CHCHD6: variants seen among roughly 807,000 people sequenced by gnomAD.
CHCHD6 encodes the protein coiled-coil-helix-coiled-coil-helix domain containing 6.
In CHCHD6, 28 loss-of-function variants were observed where a neutral mutation model predicts 32.3. The observed-to-expected ratio is 0.87, with a 90% CI of 0.64 to 1.19. CHCHD6 has a LOEUF of 1.19. Ranked by LOEUF, CHCHD6 falls within the 50% of genes most tolerant of loss-of-function variation. The pLI is 0.00. For missense variants in CHCHD6, 333 were observed against 307.0 expected (o/e 1.08, Z -0.63); for synonymous variants, 122 against 117.5 (o/e 1.04, Z -0.25).
chr3:126,939,931 A>G (rs2078535932), intron 6 of CHCHD6, among the ~76,000 whole-genome samples: 1 of 152,172 alleles, frequency 6.6e-6, no homozygotes, highest in Non-Finnish European at 1.5e-5. Flanking sequence ...GTGTGCATAT[A>G]TATCATCACT....
At chr3:126,886,874 A>G (rs1437594790) in intron 5 of CHCHD6, among the ~76,000 whole-genome samples, 1 of 152,106 alleles carries the variant, frequency 6.6e-6, no homozygotes, top group Non-Finnish European at 1.5e-5. Flanking sequence ...CTCTAGCAAC[A>G]CAGTGTGACC....
At position 126,957,492 on chromosome 3, in the gene CHCHD6, G is replaced by A. The variant is rs1403270738; in HGVS notation, c.643G>A (p.Val215Met). ...CTGCTACCGAGATCGCCCGCATGAG[G>A]TGCTGCTGTGCTCGGACCTGGTCAA... is the stretch of plus-strand genomic sequence containing the variant. ...LHCYRDRPHE[V>M]LLCSDLVKAY... The change falls in exon 7 of 8, where the codon GTG (valine) becomes ATG (methionine). Residue 215 changes from valine to methionine, a missense_variant. Transcript: ENST00000290913. 6.2e-7 allele frequency: 1 copy of A among 1,601,342 alleles called. No individual in the cohort carries two copies. The highest frequency in any genetic ancestry group is 1.3e-5 in the African/African-American group (1 of 74,706).
At chr3:126,777,273 C>T (rs1194686952) in intron 4 of CHCHD6, among the ~76,000 whole-genome samples, 6 of 152,186 alleles carry the variant, frequency 3.9e-5, no homozygotes, top group Non-Finnish European at 5.9e-5. Flanking sequence ...CAAAACTACC[C>T]AGGCATACAT....
intron 4 of CHCHD6, among the ~76,000 whole-genome samples, chr3:126,752,618 C>G (rs1936772476): frequency 6.6e-6 from 1 of 152,154 alleles, no homozygotes; most frequent in Non-Finnish European, 1.5e-5. Flanking sequence ...TGTTGGGAGA[C>G]CTGGCTTTTT....
intron 6 of CHCHD6, among the ~76,000 whole-genome samples, chr3:126,931,493 G>T (rs2078405121): frequency 6.6e-6 from 1 of 152,158 alleles, no homozygotes; most frequent in Admixed American, 6.5e-5. Context: ...TGTTTACACG[G>T]TCTGTGCTCC....
At chr3:126,704,447 G>A (rs1049232246) in intron 1 of CHCHD6, 48 bp downstream of exon 1, 2 of 1,221,986 alleles carry the variant, frequency 1.6e-6, no homozygotes, top group Non-Finnish European at 2.2e-6. Context: ...CCGCGGGCGC[G>A]GGGGGGAGGT....
intron 4 of CHCHD6, among the ~76,000 whole-genome samples, chr3:126,748,782 T>C (rs1001979418): frequency 3.9e-5 from 6 of 152,068 alleles, no homozygotes; most frequent in Non-Finnish European, 8.8e-5. Flanking sequence ...GCTCCATCCA[T>C]CCATTCAAGA....
chr3:126,955,529 C>G (rs1359414567), intron 6 of CHCHD6, among the ~76,000 whole-genome samples: 3 of 152,226 alleles, frequency 2.0e-5, no homozygotes, highest in Non-Finnish European at 2.9e-5. Flanking sequence ...CATGGCCTCC[C>G]CTGGCAGGAA....
chr3:126,927,476 G>A (rs1249677393), intron 6 of CHCHD6, among the ~76,000 whole-genome samples: 2 of 152,210 alleles, frequency 1.3e-5, no homozygotes, highest in Non-Finnish European at 2.9e-5. Flanking sequence ...GGCTTAAGGG[G>A]AAGGGCAGCC....
At position 126,960,254 on chromosome 3, in the gene CHCHD6, A is replaced by T. The variant is rs757816469; in HGVS notation, c.*53A>T. 16 of 1,549,100 alleles carry T rather than the reference A, an allele frequency of 1.0e-5. No individual in the cohort carries two copies. The highest frequency in any genetic ancestry group is 1.4e-5 in the African/African-American group (1 of 72,992). On this transcript the variant is annotated 3_prime_UTR_variant, in exon 8 of 8. Transcript: ENST00000290913. Reference sequence around the variant, plus strand: ...AGTGACTTGGAGCCCTGAAGAAGGGACCAATCATGGGACCACAGCCACTGT... The same window carrying T: ...AGTGACTTGGAGCCCTGAAGAAGGGTCCAATCATGGGACCACAGCCACTGT...
intron 6 of CHCHD6, chr3:126,949,541 T>TGTACAGAGCCTTATCACCAATGGGAAG (rs1559939111): frequency 6.6e-5 from 11 of 166,454 alleles, no homozygotes; most frequent in South Asian, 1.8e-4. Context: ...AAGGGAAGGC[T>TGTACAGAGCCTTATCACCAATGGGAAG]GCTGCCCGGA....
intron 4 of CHCHD6, among the ~76,000 whole-genome samples, chr3:126,822,568 T>C (rs1486285390): frequency 6.6e-6 from 1 of 152,206 alleles, no homozygotes; most frequent in Admixed American, 6.5e-5. Flanking sequence ...AAATTTTCTA[T>C]GGATTTTAGG....
intron 4 of CHCHD6, among the ~76,000 whole-genome samples, chr3:126,796,446 C>T (rs1938796582): frequency 6.6e-6 from 1 of 152,190 alleles, no homozygotes; most frequent in Non-Finnish European, 1.5e-5. Flanking sequence ...TTCACTCTCT[C>T]ACTCCTTTAG....
chr3:126,899,362 G>A (rs1324628993), intron 5 of CHCHD6, among the ~76,000 whole-genome samples: 4 of 152,184 alleles, frequency 2.6e-5, no homozygotes, highest in African/African-American at 9.7e-5. Context: ...AAGCTTGAAT[G>A]GATAGTGAAT....
intron 2 of CHCHD6, among the ~76,000 whole-genome samples, chr3:126,730,237 T>A (rs961465648): frequency 1.3e-5 from 2 of 152,152 alleles, no homozygotes; most frequent in Non-Finnish European, 2.9e-5. Context: ...ACTCCTGGCC[T>A]GTGCTTAGGA....
intron 4 of CHCHD6, among the ~76,000 whole-genome samples, chr3:126,836,714 G>T (rs185999127): frequency 1.3e-5 from 2 of 152,352 alleles, no homozygotes; most frequent in Admixed American, 6.5e-5. Flanking sequence ...AGGAGAGAGG[G>T]CGTCTGCAGG....
intron 4 of CHCHD6, among the ~76,000 whole-genome samples, chr3:126,850,211 C>A (rs1304377872): frequency 6.6e-6 from 1 of 152,248 alleles, no homozygotes; most frequent in Non-Finnish European, 1.5e-5. Context: ...CCTGGTGGCT[C>A]ACTTGTGACG....
chr3:126,881,826 C>T (rs998794442), intron 5 of CHCHD6, among the ~76,000 whole-genome samples: 4 of 152,250 alleles, frequency 2.6e-5, no homozygotes, highest in Non-Finnish European at 2.9e-5. Flanking sequence ...AAAGAAAGAA[C>T]GAGGTACTGC....
At chr3:126,876,535 T>A (rs1419477497) in intron 5 of CHCHD6, among the ~76,000 whole-genome samples, 2 of 152,254 alleles carry the variant, frequency 1.3e-5, no homozygotes, top group African/African-American at 2.4e-5. Flanking sequence ...TTGTTAACAT[T>A]TTATGTTTTA....
Sources: gnomAD v4.1 joint callset for allele counts (sites outside exome capture counted in the v4.1 genomes callset) on GRCh38, gnomAD v4.1.1 for gene constraint, MANE v1.5 for transcripts, NCBI Gene and HGNC (gene_info 2026-07-23, HGNC 2026-07-21) for gene names.